The following LOXHD1 variants were observed in gnomAD, a reference collection of about 807,000 sequenced individuals.
The protein encoded by LOXHD1 is lipoxygenase homology PLAT domains 1, also known as lipoxygenase homology domain-containing protein 1.
Under a neutral mutation model 248.2 loss-of-function variants are expected in LOXHD1, and 205 were observed. The ratio of observed to expected loss-of-function variants is 0.83; its 90% CI spans 0.74 to 0.93. The LOEUF (loss-of-function observed/expected upper bound fraction) is 0.93. Among genes scored for constraint, LOXHD1 ranks in the 40% least tolerant of loss-of-function variants. LOXHD1 has a pLI of 0.00. For synonymous variants in LOXHD1, 1,113 were observed against 1,162.8 expected, an observed-to-expected ratio of 0.96 and a Z score of 0.87; for missense variants, 2,930 against 2,971.6, an observed-to-expected ratio of 0.99 and a Z score of 0.33.
intron 37 of LOXHD1, among the ~76,000 whole-genome samples, chr18:46,491,035 G>A (rs1010156559): frequency 6.6e-6 from 1 of 152,208 alleles, no homozygotes; most frequent in Non-Finnish European, 1.5e-5. Context: ...TTCTGAAGTG[G>A]AATATAGGAA....
chr18:46,477,060 T>C, downstream of LOXHD1: 2 of 684,746 alleles, frequency 2.9e-6, no homozygotes, highest in Non-Finnish European at 5.4e-6. Flanking sequence ...TAGGATATGG[T>C]TGGTAATAAT....
intron 4 of LOXHD1, among the ~76,000 whole-genome samples, chr18:46,625,337 T>C (rs544863228): frequency 2.0e-5 from 3 of 152,196 alleles, no homozygotes; most frequent in East Asian, 3.9e-4. Flanking sequence ...CATGAAAACA[T>C]CACTTGGTCC....
intron 38 of LOXHD1, among the ~76,000 whole-genome samples, chr18:46,486,066 C>T (rs1225666653): frequency 6.6e-6 from 1 of 152,076 alleles, no homozygotes; most frequent in Non-Finnish European, 1.5e-5. Flanking sequence ...ATCCAACCAC[C>T]CTAATTAAAA....
chr18:46,637,283 G>A (rs188479270), intron 4 of LOXHD1, among the ~76,000 whole-genome samples: 14 of 152,324 alleles, frequency 9.2e-5, no homozygotes, highest in African/African-American at 3.4e-4. Flanking sequence ...AGGAGCTGGG[G>A]GCCCAGGAAG....
intron 4 of LOXHD1, among the ~76,000 whole-genome samples, chr18:46,635,664 G>A (rs2038883894): frequency 2.6e-5 from 4 of 152,154 alleles, no homozygotes; most frequent in Admixed American, 2.0e-4. Context: ...CTAATGTTGT[G>A]AATTTATGTT....
chr18:46,477,351 T>C lies in LOXHD1; in HGVS notation c.*121A>G. 7.2e-7 allele frequency: 1 copy of C among 1,380,282 alleles called. No individual in the cohort carries two copies. Among genetic ancestry groups the C allele is most frequent in the Non-Finnish European group, 1.0e-6 (1 of 997,970 alleles). The allele number at this position is 1,380,282 out of a possible 1,614,324, so 85.5% of individuals were successfully genotyped here. A position where few individuals can be genotyped will look rare whatever the true frequency, so the allele number is the denominator to read the frequency against. On this transcript the variant is annotated 3_prime_UTR_variant, in exon 41 of 41. Coordinates refer to ENST00000642948, the MANE Select transcript of LOXHD1 (RefSeq NM_001384474.1). ...TGGGGAGCAGGACCCCATGAAGTTC[T>C]CAGTGGACTGCTAGCCCCCAGTGCC...
intron 21 of LOXHD1, among the ~76,000 whole-genome samples, chr18:46,552,439 C>A (rs1456078123): frequency 6.6e-6 from 1 of 152,064 alleles, no homozygotes; most frequent in Non-Finnish European, 1.5e-5. Flanking sequence ...AAACCTGCAC[C>A]CCCAACCCCC....
At chr18:46,564,467 G>T (rs933996742) in intron 17 of LOXHD1, among the ~76,000 whole-genome samples, 6 of 152,108 alleles carry the variant, frequency 3.9e-5, no homozygotes, top group African/African-American at 1.2e-4. Flanking sequence ...GGGAGTCAAG[G>T]CTGCAATGAG....
chr18:46,521,289 G>A lies in LOXHD1; in HGVS notation c.5086-7C>T, dbSNP rs746540752. The A allele has an allele frequency of 5.8e-6, 9 of 1,551,642 alleles. No individual in the cohort carries two copies. Among genetic ancestry groups the A allele is most frequent in the African/African-American group, 1.4e-5 (1 of 73,158 alleles). ...AGGCCCCGTCATGGCCCAGCTAGGA[G>A]GAGACACACCTGATCTGTGACGATC... On this transcript the variant is annotated splice_polypyrimidine_tract_variant and splice_region_variant and intron_variant, in intron 32 of 40. Transcript: ENST00000642948.
At chr18:46,517,839 C>A (rs2035341144) in intron 34 of LOXHD1, among the ~76,000 whole-genome samples, 1 of 152,186 alleles carries the variant, frequency 6.6e-6, no homozygotes, top group African/African-American at 2.4e-5. Context: ...AACAATGATA[C>A]AATACCATCA....
chr18:46,586,993 A>G (rs554658578), intron 12 of LOXHD1, among the ~76,000 whole-genome samples: 1 of 152,340 alleles, frequency 6.6e-6, no homozygotes, highest in East Asian at 1.9e-4. Context: ...ACAGGCAAAG[A>G]ACGACTGATT....
intron 34 of LOXHD1, among the ~76,000 whole-genome samples, chr18:46,511,481 G>A (rs774616077): frequency 6.6e-5 from 10 of 152,240 alleles, no homozygotes; most frequent in East Asian, 3.9e-4. Flanking sequence ...TGCCCCTCAC[G>A]TCCTTCCTAT....
chr18:46,602,717 T>C (rs1221915754), intron 7 of LOXHD1, among the ~76,000 whole-genome samples: 1 of 152,162 alleles, frequency 6.6e-6, no homozygotes, highest in Non-Finnish European at 1.5e-5. Flanking sequence ...TCAGCATTTA[T>C]TGAGTGCTTA....
At chr18:46,594,185 G>C in intron 9 of LOXHD1, 146 bp downstream of exon 9, 1 of 1,048,858 alleles carries the variant, frequency 9.5e-7, no homozygotes, top group East Asian at 2.6e-5. Context: ...GCTTGGCGGG[G>C]TTGGGGGAGC....
intron 1 of LOXHD1, among the ~76,000 whole-genome samples, chr18:46,653,177 G>A (rs948581660): frequency 1.3e-5 from 2 of 152,156 alleles, no homozygotes; most frequent in African/African-American, 2.4e-5. Context: ...AACCTGGGAG[G>A]CAGAGGTTGC....
chr18:46,489,162 G>C lies in LOXHD1; in HGVS notation c.5879-20C>G, dbSNP rs1316493210. The stretch of plus-strand genomic sequence containing the variant: ...ATATCCCTGTGGAAAAGACACCATG[G>C]GGGTTGGAAGCTGGATGTGCCTTCC... On this transcript the variant is annotated intron_variant, in intron 37 of 40. Coordinates refer to ENST00000642948, the MANE Select transcript of LOXHD1 (RefSeq NM_001384474.1). 3.2e-6 allele frequency: 5 copies of C among 1,551,524 alleles called. No homozygotes were observed. The highest frequency in any genetic ancestry group is 4.4e-6 in the Non-Finnish European group (5 of 1,146,918).
chr18:46,545,820 G>A (rs1051014487), intron 22 of LOXHD1, among the ~76,000 whole-genome samples: 2 of 150,726 alleles, frequency 1.3e-5, no homozygotes, highest in Non-Finnish European at 1.5e-5. Context: ...TAGTAGAGAC[G>A]GGGTTTCACC....
At chr18:46,620,069 C>T (rs1204249839) in intron 4 of LOXHD1, among the ~76,000 whole-genome samples, 2 of 152,178 alleles carry the variant, frequency 1.3e-5, no homozygotes, top group African/African-American at 2.4e-5. Context: ...AGGTGTTAAA[C>T]GGGCAGATTC....
chr18:46,477,807 C>T lies in LOXHD1; in HGVS notation c.6487G>A (p.Gly2163Ser). 6.4e-7 allele frequency: 1 copy of T among 1,551,854 alleles called. No homozygotes were observed. Among genetic ancestry groups the T allele is most frequent in the Non-Finnish European group, 8.7e-7 (1 of 1,147,024 alleles). Reference protein sequence around the residue: ...PVKYEVIVTTGYEPGAGTDAN... With the variant: ...PVKYEVIVTTSYEPGAGTDAN... ...TCAGTGCCTGCCCCTGGCTCATAGC[C>T]TGTTGTCACGATGACTTCGTACTTG... Residue 2163 changes from glycine to serine, a missense_variant, in exon 41 of 41, where the codon GGC becomes AGC. Gly to Ser is a moderately conservative substitution (Grantham distance 56, BLOSUM62 0). Transcript: ENST00000642948.
Sources: allele counts gnomAD v4.1 joint callset (sites outside exome capture counted in the v4.1 genomes callset), GRCh38; gene constraint gnomAD v4.1.1; transcripts MANE v1.5; gene names NCBI Gene and HGNC (gene_info 2026-07-23, HGNC 2026-07-21).